The following PRELID2 variants were observed in gnomAD, a reference collection of about 807,000 sequenced individuals.
The protein encoded by PRELID2 is PRELI domain-containing protein 2.
In PRELID2, 25 loss-of-function variants were observed where a neutral mutation model predicts 28.4. The observed-to-expected ratio is 0.88, with a 90% confidence interval of 0.64 to 1.23. PRELID2 has a LOEUF of 1.23. Among genes scored for constraint, PRELID2 ranks in the 50% most tolerant of loss-of-function variants. PRELID2 has a pLI of 0.00. For synonymous variants in PRELID2, 76 were observed against 71.6 expected (o/e 1.06, Z -0.31); for missense variants, 201 against 214.4 (o/e 0.94, Z 0.39).
At chr5:145,330,726 C>G in the PRELID2 span, among the ~76,000 whole-genome samples, 2 of 152,044 alleles carry the variant, frequency 1.3e-5, no homozygotes, top group African/African-American at 4.8e-5. Context: ...AAAAATAGCT[C>G]CTGGATTCAC....
Position 145,742,222 on chromosome 5 carries a change from ATATATAAATAAAATATATTTT to A in PRELID2, n.70+22688_70+22708del, listed in dbSNP as rs1414474111. On this transcript the variant is annotated intron_variant and non_coding_transcript_variant, in intron 1 of 2. Coordinates refer to the PRELID2 transcript ENST00000510259. Reference sequence around the variant, plus strand: ...AATATATAAATATACATTTTTATTTATATATAAATAAAATATATTTTTATATAAATAAAATATATATTTTTA... The same window carrying A: ...AATATATAAATATACATTTTTATTTATATATAAATAAAATATATATTTTTA... 5.0e-5 allele frequency among the ~76,000 whole-genome samples: 7 copies of A among 140,160 alleles called. No individual in the cohort carries two copies. The East Asian group carries it at 6.3e-4, about 13-fold the overall frequency. The allele number at this position is 140,160 out of a possible 152,430, so 92.0% of individuals were successfully genotyped here. A position where few individuals can be genotyped will look rare whatever the true frequency, so the allele number is the denominator to read the frequency against.
chr5:145,439,085 T>A, the PRELID2 span, among the ~76,000 whole-genome samples: 1 of 152,142 alleles, frequency 6.6e-6, no homozygotes. Context: ...CCTCCTTTAC[T>A]TGTGTCCCCA....
At chr5:145,649,147 T>C (rs1392183285) in intron 1 of PRELID2, among the ~76,000 whole-genome samples, 1 of 152,176 alleles carries the variant, frequency 6.6e-6, no homozygotes, top group Non-Finnish European at 1.5e-5. Context: ...CAATACAGTA[T>C]AACAACTATT....
At chr5:145,668,733 C>T (rs1306257097) in intron 1 of PRELID2, among the ~76,000 whole-genome samples, 2 of 152,040 alleles carry the variant, frequency 1.3e-5, no homozygotes, top group Non-Finnish European at 2.9e-5. Context: ...AGACTGTAAT[C>T]AACTTTCTCA....
chr5:145,229,219 C>A, the PRELID2 span: 1 of 800,974 alleles, frequency 1.2e-6, no homozygotes, highest in South Asian at 1.3e-5. Flanking sequence ...TACTCGCTGG[C>A]CCCCCAGATG....
At chr5:145,565,013 C>A (rs924142797) in intron 1 of PRELID2, among the ~76,000 whole-genome samples, 9 of 152,220 alleles carry the variant, frequency 5.9e-5, no homozygotes, top group Non-Finnish European at 7.3e-5. Context: ...ATGAGATGAG[C>A]CAGGTACCTC....
intron 1 of PRELID2, among the ~76,000 whole-genome samples, chr5:145,714,780 C>T (rs1209424347): frequency 2.0e-5 from 3 of 152,088 alleles, no homozygotes; most frequent in Non-Finnish European, 2.9e-5. Flanking sequence ...ACAGTTAACT[C>T]GCCTGCATTC....
chr5:145,451,214 C>T, the PRELID2 span: 1 of 152,278 alleles, frequency 6.6e-6, no homozygotes, highest in African/African-American at 2.4e-5. Context: ...ACTTCCCCAC[C>T]ACTTTTCTAG....
chr5:145,610,575 T>C (rs1581000644), intron 1 of PRELID2, among the ~76,000 whole-genome samples: 1 of 152,196 alleles, frequency 6.6e-6, no homozygotes, highest in Non-Finnish European at 1.5e-5. Context: ...TCCTGACTAA[T>C]TGTTGAGTGC....
intron 1 of PRELID2, among the ~76,000 whole-genome samples, chr5:145,679,391 T>C (rs1754888757): frequency 6.6e-6 from 1 of 152,214 alleles, no homozygotes; most frequent in Admixed American, 6.5e-5. Context: ...AAATGTTATC[T>C]CTTTGTAGAG....
At chr5:145,734,125 A>T (rs997156871) in intron 1 of PRELID2, among the ~76,000 whole-genome samples, 3 of 152,004 alleles carry the variant, frequency 2.0e-5, no homozygotes, top group Non-Finnish European at 4.4e-5. Flanking sequence ...ATTTTTTTAA[A>T]TATTTTTAAA....
chr5:145,245,369 G>T, the PRELID2 span, among the ~76,000 whole-genome samples: 1 of 151,880 alleles, frequency 6.6e-6, no homozygotes, highest in African/African-American at 2.4e-5. Flanking sequence ...CCCAAAGTAA[G>T]GCAGACACGG....
downstream of PRELID2, among the ~76,000 whole-genome samples, chr5:145,754,623 G>T (rs143116993): frequency 6.6e-6 from 1 of 152,232 alleles, no homozygotes; most frequent in East Asian, 1.9e-4. Context: ...TTTGAAAAGA[G>T]CCCCTACCAG....
At chr5:145,786,866 C>T (rs912748205) in intron 5 of PRELID2, among the ~76,000 whole-genome samples, 1 of 152,146 alleles carries the variant, frequency 6.6e-6, no homozygotes, top group African/African-American at 2.4e-5. Flanking sequence ...AAATAACAAG[C>T]ATACACCCCA....
chr5:145,317,731 C>G, the PRELID2 span, among the ~76,000 whole-genome samples: 8 of 152,220 alleles, frequency 5.3e-5, no homozygotes, highest in Non-Finnish European at 1.0e-4. Flanking sequence ...GAGGTTCACA[C>G]TTCTATCAGG....
At chr5:145,823,211 CT>C (rs1427562182) in intron 1 of PRELID2, 77 bp from the exon 2 acceptor site, 1 of 683,954 alleles carries the variant, frequency 1.5e-6, no homozygotes, top group Non-Finnish European at 2.6e-6. Flanking sequence ...CCACAGCTGT[CT>C]GCAGGACTAG....
chr5:145,377,412 C>A, the PRELID2 span, among the ~76,000 whole-genome samples: 1 of 152,100 alleles, frequency 6.6e-6, no homozygotes, highest in Non-Finnish European at 1.5e-5. Flanking sequence ...TGATCCAGTG[C>A]TGAGTTCAGG....
At chr5:145,386,694 G>A in the PRELID2 span, among the ~76,000 whole-genome samples, 1 of 152,036 alleles carries the variant, frequency 6.6e-6, no homozygotes, top group African/African-American at 2.4e-5. Flanking sequence ...TATTTGTATT[G>A]TTTACATATC....
At chr5:145,379,841 C>T in the PRELID2 span, among the ~76,000 whole-genome samples, 44 of 152,108 alleles carry the variant, frequency 2.9e-4, no homozygotes, top group Non-Finnish European at 7.4e-5. Context: ...GTGTGGGCCC[C>T]GAGAGCACTC....
Sources: allele counts gnomAD v4.1 joint callset (sites outside exome capture counted in the v4.1 genomes callset), GRCh38; gene constraint gnomAD v4.1.1; transcripts MANE v1.5; gene names NCBI Gene and HGNC (gene_info 2026-07-23, HGNC 2026-07-21).